The following WWOX variants were observed in gnomAD, a reference collection of about 807,000 sequenced individuals.
WWOX encodes the protein WW domain containing oxidoreductase.
Under a neutral mutation model 46.2 loss-of-function variants are expected in WWOX, and 69 were observed. The observed-to-expected ratio is 1.49, with a 90% CI of 1.23 to 1.82. WWOX has a LOEUF of 1.82. Ranked by LOEUF, WWOX falls within the 40% of genes most tolerant of loss-of-function variation. WWOX has a pLI of 0.00. For synonymous variants in WWOX, 359 were observed against 202.6 expected (o/e 1.77, Z -6.56); for missense variants, 919 against 542.6 (o/e 1.69, Z -6.89).
At chr16:78,352,246 A>G (rs148633626) in intron 5 of WWOX, among the ~76,000 whole-genome samples, 1 of 152,226 alleles carries the variant, frequency 6.6e-6, no homozygotes, top group Admixed American at 6.5e-5. Flanking sequence ...CATGTTACAT[A>G]ACTGTATTTT....
intron 4 of WWOX, among the ~76,000 whole-genome samples, chr16:78,149,856 A>T (rs2034337915): frequency 6.6e-6 from 1 of 152,148 alleles, no homozygotes; most frequent in Admixed American, 6.5e-5. Flanking sequence ...GTGTGCTCTT[A>T]ACCCTAAAGG....
At chr16:79,000,086 C>G (rs2347080) in intron 8 of WWOX, among the ~76,000 whole-genome samples, 89,424 of 151,998 alleles carry the variant, frequency 0.59, 28,499 homozygotes, top group Non-Finnish European at 0.7. Flanking sequence ...AAACCAGGAT[C>G]CTTCATGTGT....
chr16:78,640,578 C>G (rs955066593), intron 8 of WWOX, among the ~76,000 whole-genome samples: 3 of 152,122 alleles, frequency 2.0e-5, no homozygotes, highest in South Asian at 2.1e-4. Flanking sequence ...ACCACCATGG[C>G]ACACATTTAC....
intron 8 of WWOX, among the ~76,000 whole-genome samples, chr16:78,527,482 T>C (rs1476320186): frequency 1.3e-5 from 2 of 151,904 alleles, no homozygotes; most frequent in African/African-American, 4.8e-5. Context: ...TTTGTAGAGG[T>C]GGAGTTTCGC....
At chr16:78,868,255 C>T (rs923003507) in intron 8 of WWOX, among the ~76,000 whole-genome samples, 1 of 152,090 alleles carries the variant, frequency 6.6e-6, no homozygotes, top group African/African-American at 2.4e-5. Context: ...AAACATTACG[C>T]TAAGTGAAGG....
chr16:78,151,629 C>G (rs1017423467), intron 4 of WWOX, among the ~76,000 whole-genome samples: 3 of 152,064 alleles, frequency 2.0e-5, no homozygotes, highest in Non-Finnish European at 4.4e-5. Context: ...TTTTTTCTCA[C>G]TTGCCTTGAT....
At chr16:78,136,152 A>C (rs566581602) in intron 4 of WWOX, among the ~76,000 whole-genome samples, 1 of 152,182 alleles carries the variant, frequency 6.6e-6, no homozygotes, top group African/African-American at 2.4e-5. Flanking sequence ...TGAAATTCAC[A>C]ATGCGTGCCA....
chr16:78,519,980 C>G (rs1301006485), intron 8 of WWOX, among the ~76,000 whole-genome samples: 4 of 152,230 alleles, frequency 2.6e-5, no homozygotes. Context: ...TCTACGCATG[C>G]TGTTCTGTAT....
At chr16:78,809,233 TTGTC>T (rs2051125033) in intron 8 of WWOX, among the ~76,000 whole-genome samples, 1 of 151,542 alleles carries the variant, frequency 6.6e-6, no homozygotes, top group African/African-American at 2.4e-5. Context: ...CTTGAAATGG[TTGTC>T]TGAGCAGAAT....
rs995442325 is a variant in WWOX at position 78,794,251 on chromosome 16, T to C, written c.1056+361499T>C. Among the ~76,000 whole-genome samples, 3 of 152,166 alleles carry C rather than the reference T, an allele frequency of 2.0e-5. 1 individual carries two copies. Among genetic ancestry groups the C allele is most frequent in the Non-Finnish European group, 4.4e-5 (3 of 68,022 alleles). ...GAGGAGGCGGGACTCTGGCCAGACA[T>C]TGAATTTGCTGCTTCCTTGATCTTG... On this transcript the variant is annotated intron_variant, in intron 8 of 8. Transcript: ENST00000566780.
At chr16:78,952,294 C>A (rs994145598) in intron 8 of WWOX, among the ~76,000 whole-genome samples, 4 of 152,072 alleles carry the variant, frequency 2.6e-5, no homozygotes, top group African/African-American at 4.8e-5. Context: ...TGCATTAAAT[C>A]CTTCTATAAG....
At chr16:78,948,284 T>A (rs1395010612) in intron 8 of WWOX, among the ~76,000 whole-genome samples, 1 of 152,188 alleles carries the variant, frequency 6.6e-6, no homozygotes, top group African/African-American at 2.4e-5. Context: ...TTGTCACTGT[T>A]TGGGACCCCT....
intron 5 of WWOX, among the ~76,000 whole-genome samples, chr16:78,294,936 C>T (rs992274714): frequency 1.3e-5 from 2 of 152,176 alleles, no homozygotes; most frequent in African/African-American, 2.4e-5. Flanking sequence ...CAAGGAGATA[C>T]GCGACTTTCT....
chr16:78,603,122 AG>A (rs2045662875), intron 8 of WWOX, among the ~76,000 whole-genome samples: 1 of 152,178 alleles, frequency 6.6e-6, no homozygotes. Flanking sequence ...GTTGCTCTTA[AG>A]CCCCCACTCT....
intron 8 of WWOX, among the ~76,000 whole-genome samples, chr16:78,678,417 G>A (rs1423991517): frequency 6.6e-6 from 1 of 152,134 alleles, no homozygotes; most frequent in African/African-American, 2.4e-5. Flanking sequence ...TGAATGAATG[G>A]ATTATTTTAG....
intron 8 of WWOX, among the ~76,000 whole-genome samples, chr16:78,713,086 A>T (rs1208306743): frequency 2.6e-5 from 4 of 151,704 alleles, no homozygotes; most frequent in Non-Finnish European, 5.9e-5. Context: ...CCAGGGTAAC[A>T]TAGGGAGACC....
chr16:79,101,147 G>A (rs2049184639), intron 8 of WWOX: 1 of 152,174 alleles, frequency 6.6e-6, no homozygotes, highest in Non-Finnish European at 1.5e-5. Flanking sequence ...AGGACAAATG[G>A]AGAAAAGTCT....
intron 8 of WWOX, among the ~76,000 whole-genome samples, chr16:79,086,237 T>TTCTG (rs1314701151): frequency 3.9e-5 from 6 of 152,234 alleles, no homozygotes; most frequent in African/African-American, 1.4e-4. Context: ...ATTGAGCATT[T>TTCTG]TCTGTCTGAG....
intron 8 of WWOX, among the ~76,000 whole-genome samples, chr16:78,874,849 C>G (rs748909373): frequency 1.3e-5 from 2 of 152,024 alleles, no homozygotes; most frequent in African/African-American, 4.8e-5. Context: ...TTCCACTGGA[C>G]TTTCCTACAG....
Sources: allele counts gnomAD v4.1 joint callset (sites outside exome capture counted in the v4.1 genomes callset), GRCh38; gene constraint gnomAD v4.1.1; transcripts MANE v1.5; gene names NCBI Gene and HGNC (gene_info 2026-07-23, HGNC 2026-07-21).